Variants in KLC1 observed in about 807,000 individuals in gnomAD.
The protein encoded by KLC1 is kinesin light chain 1.
KLC1 carries 30 observed loss-of-function variants against 84.2 expected under a neutral mutation model. That is an observed-to-expected ratio of 0.36 (90% CI 0.27 to 0.48). The LOEUF is 0.48. Among genes scored for constraint, KLC1 ranks in the 20% least tolerant of loss-of-function variants. KLC1 has a pLI of 0.99. For synonymous variants in KLC1, 289 were observed against 293.3 expected, an observed-to-expected ratio of 0.99 and a Z score of 0.15; for missense variants, 499 against 805.4, an observed-to-expected ratio of 0.62 and a Z score of 4.60.
At chr14:103,661,075 A>C (rs1295498137) in intron 3 of KLC1, among the ~76,000 whole-genome samples, 1 of 152,134 alleles carries the variant, frequency 6.6e-6, no homozygotes, top group African/African-American at 2.4e-5. Context: ...CTGTTCACAT[A>C]GTGGCATAGC....
intron 15 of KLC1, chr14:103,699,040 G>A: frequency 6.4e-7 from 1 of 1,571,122 alleles, no homozygotes; most frequent in Non-Finnish European, 8.6e-7. Flanking sequence ...AAGCAGGCAA[G>A]CTGGCGCTCA....
chr14:103,672,948 T>C, intron 7 of KLC1, 66 bp from the exon 8 acceptor site: 1 of 1,404,474 alleles, frequency 7.1e-7, no homozygotes, highest in Non-Finnish European at 1.0e-6. Context: ...GATGTGACAG[T>C]AGGGTGGAGA....
chr14:103,701,214 GC>G lies in KLC1; in HGVS notation c.*19del. On this transcript the variant is annotated 3_prime_UTR_variant, in exon 17 of 17. Coordinates refer to ENST00000334553, the MANE Select transcript of KLC1 (RefSeq NM_001394837.1). Reference sequence around the variant, plus strand: ...CTTCTCTTGCAGTGACCCCGACCTGGCCCCGCTCCAGGATGGGACTGCCGAG... The same window carrying G: ...CTTCTCTTGCAGTGACCCCGACCTGGCCCGCTCCAGGATGGGACTGCCGAG... 6.4e-7 allele frequency: 1 copy of G among 1,550,470 alleles called. No homozygotes were observed. Among genetic ancestry groups the G allele is most frequent in the South Asian group, 1.2e-5 (1 of 84,006 alleles).
chr14:103,660,022 C>G (rs192830689), intron 3 of KLC1, among the ~76,000 whole-genome samples: 1 of 152,266 alleles, frequency 6.6e-6, no homozygotes, highest in East Asian at 1.9e-4. Flanking sequence ...TTATCCTGAT[C>G]ACCTCCCAAA....
chr14:103,629,739 G>T (rs1233468245), intron 1 of KLC1, among the ~76,000 whole-genome samples: 4 of 151,718 alleles, frequency 2.6e-5, no homozygotes, highest in Admixed American at 2.6e-4. Context: ...GCCAGCCCCG[G>T]CTCCCGGCGC....
In KLC1 at chr14:103,647,836, A is replaced by C. The variant is rs975843662; in HGVS notation, c.-1-6728A>C. Reference sequence around the variant, plus strand: ...GGTTGCATTGAGCCGAGATTGTGCAACTGCACTCCAGCCTGGCGACAGAGC... The same window carrying C: ...GGTTGCATTGAGCCGAGATTGTGCACCTGCACTCCAGCCTGGCGACAGAGC... On this transcript the variant is annotated intron_variant, in intron 1 of 16. Transcript: ENST00000334553. Among the ~76,000 whole-genome samples the C allele has an allele frequency of 3.4e-5, 5 of 148,860 alleles. No individual in the cohort carries two copies. The East Asian group carries it at 1.1e-3, about 32-fold the overall frequency.
intron 1 of KLC1, among the ~76,000 whole-genome samples, chr14:103,633,899 C>T (rs190368984): frequency 1.5e-4 from 23 of 152,178 alleles, no homozygotes; most frequent in East Asian, 9.7e-4. Context: ...GACGGAGTCT[C>T]GCTCTGTCAC....
rs184122400 is a variant in KLC1 at position 103,671,828 on chromosome 14, C to G, written c.988-1186C>G. ...AATATTTTATCATGCTGTCAATCTG[C>G]ATGATATTTCTGAAATAGAATGGTT... On this transcript the variant is annotated intron_variant, in intron 7 of 16. Transcript: ENST00000334553. 9.3e-4 allele frequency among the ~76,000 whole-genome samples: 142 copies of G among 152,308 alleles called. 1 individual carries two copies. The highest frequency in any genetic ancestry group is 3.4e-3 in the Middle Eastern group (1 of 294).
rs551015892 is a variant in KLC1, at chr14:103,676,274, A to G, written c.1379+518A>G. Among the ~76,000 whole-genome samples, 48 of 144,304 alleles carry G rather than the reference A, an allele frequency of 3.3e-4. No homozygotes were observed. In the East Asian group the frequency reaches 9.2e-3, roughly 28 times the overall value. 94.7% of individuals were successfully genotyped at this position (144,304 alleles called of 152,430 possible). A position where few individuals can be genotyped will look rare whatever the true frequency, so the allele number is the denominator to read the frequency against. On this transcript the variant is annotated intron_variant, in intron 11 of 16. Transcript: ENST00000334553. ...ACCTGTTTGGCTGTCTTTCCACTCTATTTTTTTTTTTGAGATGGAGTTTCG... is the reference window on the plus strand; with the variant it reads ...ACCTGTTTGGCTGTCTTTCCACTCTGTTTTTTTTTTTGAGATGGAGTTTCG...
intron 9 of KLC1, among the ~76,000 whole-genome samples, chr14:103,673,976 G>A (rs2080656622): frequency 1.3e-5 from 2 of 151,586 alleles, no homozygotes; most frequent in Non-Finnish European, 1.5e-5. Context: ...CCCCGTAGCT[G>A]AGAAGCAGTT....
intron 1 of KLC1, among the ~76,000 whole-genome samples, chr14:103,641,302 C>T (rs2077467619): frequency 6.6e-6 from 1 of 152,112 alleles, no homozygotes. Flanking sequence ...CTCAGGATCC[C>T]ATCCAAGATA....
intron 13 of KLC1, chr14:103,683,782 C>T (rs1417989369): frequency 5.3e-5 from 8 of 152,160 alleles, no homozygotes; most frequent in Non-Finnish European, 1.0e-4. Flanking sequence ...ACACTGCTCC[C>T]ATGTTAAGAT....
intron 1 of KLC1, among the ~76,000 whole-genome samples, chr14:103,637,715 T>A (rs2077157668): frequency 6.6e-6 from 1 of 152,174 alleles, no homozygotes; most frequent in East Asian, 1.9e-4. Flanking sequence ...TATGTATTTA[T>A]TTAATTTTTG....
rs1445491267 is a variant in KLC1, at chr14:103,693,694, C to T, written c.1848+1269C>T. 4.0e-6 allele frequency: 6 copies of T among 1,509,982 alleles called. No individual in the cohort carries two copies. The highest frequency in any genetic ancestry group is 5.3e-6 in the Non-Finnish European group (6 of 1,132,490). 93.5% of individuals were successfully genotyped at this position (1,509,982 alleles called of 1,614,324 possible). A position where few individuals can be genotyped will look rare whatever the true frequency, so the allele number is the denominator to read the frequency against. On this transcript the variant is annotated intron_variant, in intron 15 of 16. Transcript: ENST00000334553. The surrounding 1 kb of genome is among the most constrained non-coding windows in gnomAD (Gnocchi z 5.1). ...CTGCCACGCCCCTCACCGCCCTGCC[C>T]GGAGGCGCCAGCCGCACTCCTTGGC...
intron 7 of KLC1, among the ~76,000 whole-genome samples, chr14:103,672,374 G>A (rs953426835): frequency 2.0e-5 from 3 of 152,116 alleles, no homozygotes; most frequent in African/African-American, 7.2e-5. Flanking sequence ...CCCCTTTTTC[G>A]ATGCGGAGAT....
chr14:103,693,937 C>T lies in KLC1; in HGVS notation c.1848+1512C>T. ...CCTGCTCACGGATGCTGTTGCATTTCCTGCCTGCCACCTTTTTGCCATGAC... is the reference window on the plus strand; with the variant it reads ...CCTGCTCACGGATGCTGTTGCATTTTCTGCCTGCCACCTTTTTGCCATGAC... On this transcript the variant is annotated intron_variant, in intron 15 of 16. Transcript: ENST00000334553. This position sits in a 1 kb window ranked among gnomAD's most constrained non-coding sequence, Gnocchi z 5.1. 1 of 1,223,998 alleles carries T rather than the reference C, an allele frequency of 8.2e-7. No individual in the cohort carries two copies. Among genetic ancestry groups the T allele is most frequent in the Non-Finnish European group, 1.0e-6 (1 of 978,456 alleles). The allele number at this position is 1,223,998 out of a possible 1,614,324, so 75.8% of individuals were successfully genotyped here.
rs767953361 is a variant in KLC1 at position 103,695,648 on chromosome 14, T to C, written c.1848+3223T>C. 6.6e-5 allele frequency: 65 copies of C among 985,258 alleles called. 1 individual carries two copies. Among genetic ancestry groups the C allele is most frequent in the South Asian group, 9.4e-5 (2 of 21,292 alleles). 61.0% of individuals were successfully genotyped at this position (985,258 alleles called of 1,614,324 possible). ...TAGAAGGAATAAACATAGGGCTGAA[T>C]ATGGAGTTGAATTTTAACCTCTTCA... is the stretch of plus-strand genomic sequence containing the variant. On this transcript the variant is annotated intron_variant, in intron 15 of 16. Transcript: ENST00000334553.
intron 7 of KLC1, among the ~76,000 whole-genome samples, chr14:103,671,756 T>G (rs1164115049): frequency 6.6e-6 from 1 of 152,164 alleles, no homozygotes; most frequent in Non-Finnish European, 1.5e-5. Flanking sequence ...TGGCAAGGAA[T>G]TGGGGGAGAG....
chr14:103,677,458 A>C lies in KLC1; in HGVS notation c.1423A>C (p.Arg475=). 6.2e-7 allele frequency: 1 copy of C among 1,614,052 alleles called. No individual in the cohort carries two copies. Among genetic ancestry groups the C allele is most frequent in the Non-Finnish European group, 8.5e-7 (1 of 1,179,912 alleles). Residue 475 remains arginine, a synonymous_variant, in exon 12 of 17, where the codon AGA becomes CGA. Transcript: ENST00000334553. ...TCTAAAAAACCTTGGGGCACTTTAC[A>C]GACGTCAAGGCAAATTTGAAGCTGC... The part of the protein sequence containing the change: ...TTLKNLGALY[R]RQGKFEAAET...
Sources: allele counts gnomAD v4.1 joint callset (sites outside exome capture counted in the v4.1 genomes callset), GRCh38; gene constraint gnomAD v4.1.1; non-coding constraint Gnocchi (gnomAD v3.1); transcripts MANE v1.5; gene names NCBI Gene and HGNC (gene_info 2026-07-23, HGNC 2026-07-21).